NDUFAF6: variants seen among roughly 807,000 people sequenced by gnomAD.
NDUFAF6 encodes the protein NADH dehydrogenase (ubiquinone) complex I, assembly factor 6.
In NDUFAF6, 45 loss-of-function variants were observed where a neutral mutation model predicts 40.8. The ratio of observed to expected loss-of-function variants is 1.10; its 90% CI spans 0.87 to 1.42. The LOEUF is 1.42. NDUFAF6 is among the 40% of genes most tolerant of loss of function. The pLI, the probability that NDUFAF6 is intolerant of heterozygous loss-of-function variation, is 0.00. For missense variants in NDUFAF6, 435 were observed against 418.5 expected (o/e 1.04, Z -0.34); for synonymous variants, 185 against 155.9 (o/e 1.19, Z -1.39).
chr8:95,010,796 G>A (rs559539764), intron 2 of NDUFAF6, among the ~76,000 whole-genome samples: 1 of 152,284 alleles, frequency 6.6e-6, no homozygotes, highest in African/African-American at 2.4e-5. Context: ...GGTGCTGGTT[G>A]GGCTCTCTGG....
chr8:94,947,577 C>T (rs1445336413), intron 2 of NDUFAF6, among the ~76,000 whole-genome samples: 1 of 152,212 alleles, frequency 6.6e-6, no homozygotes, highest in South Asian at 2.1e-4. Flanking sequence ...TTTTGAACTG[C>T]AGAAAAAACC....
chr8:94,929,575 C>CT (rs1042051406), intron 1 of NDUFAF6: 1 of 152,198 alleles, frequency 6.6e-6, no homozygotes, highest in East Asian at 1.9e-4. Flanking sequence ...AAGCCTATCT[C>CT]TTTTCCCATG....
chr8:94,921,525 C>T (rs1309504012), intron 1 of NDUFAF6, among the ~76,000 whole-genome samples: 1 of 152,204 alleles, frequency 6.6e-6, no homozygotes, highest in Admixed American at 6.5e-5. Flanking sequence ...AATTGGGATA[C>T]TGTTATCAGA....
chr8:94,958,250 G>C (rs1482829337), intron 1 of NDUFAF6: 1 of 152,230 alleles, frequency 6.6e-6, no homozygotes, highest in Non-Finnish European at 1.5e-5. Flanking sequence ...ACTGCAGATT[G>C]GGCATCTTAC....
At position 94,930,813 on chromosome 8, in the gene NDUFAF6, C is replaced by A. The variant is rs1234418757; in HGVS notation, c.-935-14670C>A. 1.6e-5 allele frequency: 23 copies of A among 1,450,932 alleles called. 1 individual carries two copies. In the South Asian group the frequency reaches 2.7e-4, roughly 17 times the overall value. 89.9% of individuals were successfully genotyped at this position (1,450,932 alleles called of 1,614,324 possible). The stretch of plus-strand genomic sequence containing the variant: ...AAAAGTTACTTAGCAATTCAATTTG[C>A]CACGCTAATTTGTTTATGGCTGAAT... On this transcript the variant is annotated intron_variant, in intron 1 of 14. Coordinates refer to the NDUFAF6 transcript ENST00000396113.
intron 9 of NDUFAF6, chr8:95,067,204 A>G (rs373468678): frequency 5.3e-5 from 8 of 152,212 alleles, no homozygotes; most frequent in African/African-American, 1.9e-4. Context: ...TACTTGACCA[A>G]TCTGGACTTC....
chr8:94,990,284 A>T (rs1195245662), intron 2 of NDUFAF6, among the ~76,000 whole-genome samples: 1 of 152,204 alleles, frequency 6.6e-6, no homozygotes, highest in Non-Finnish European at 1.5e-5. Context: ...ATTGTAGGCC[A>T]CTGTGATGGG....
At chr8:94,937,576 A>G (rs1298352825) in intron 1 of NDUFAF6, among the ~76,000 whole-genome samples, 1 of 152,278 alleles carries the variant, frequency 6.6e-6, no homozygotes, top group Non-Finnish European at 1.5e-5. Context: ...GACTTATGCA[A>G]TTCTAGCCAA....
intron 1 of NDUFAF6, chr8:94,927,707 CTT>C (rs765186754): frequency 6.6e-6 from 1 of 152,184 alleles, no homozygotes; most frequent in Non-Finnish European, 1.5e-5. Context: ...CAAAAACAAA[CTT>C]TGAGAAACAT....
At position 94,933,840 on chromosome 8, in the gene NDUFAF6, G is replaced by A. The variant is rs575791548; in HGVS notation, c.-935-11643G>A. ...CTGTAATCCCAGCACTTTGTGGGGG[G>A]GGGGGGAGGATCACGAGGTCAGGAG... On this transcript the variant is annotated intron_variant, in intron 1 of 14. Transcript: ENST00000396113. Among the ~76,000 whole-genome samples, 348 of 148,600 alleles carry A rather than the reference G, an allele frequency of 2.3e-3. 25 individuals are homozygous for A. The highest frequency in any genetic ancestry group is 7.9e-3 in the African/African-American group (317 of 40,186).
chr8:95,073,486 G>A (rs1411495564), intron 9 of NDUFAF6, among the ~76,000 whole-genome samples: 2 of 152,128 alleles, frequency 1.3e-5, no homozygotes, highest in African/African-American at 4.8e-5. Flanking sequence ...ATCCGGGCTC[G>A]CAGACCACGC....
At chr8:94,979,198 C>A (rs140239380) in intron 1 of NDUFAF6, among the ~76,000 whole-genome samples, 3 of 152,224 alleles carry the variant, frequency 2.0e-5, no homozygotes, top group African/African-American at 4.8e-5. Flanking sequence ...ATGCAAATCC[C>A]CGCTTTTGTT....
intron 4 of NDUFAF6, among the ~76,000 whole-genome samples, chr8:95,109,311 C>T (rs34543526): frequency 0.56 from 85,018 of 152,028 alleles, 25,195 homozygotes; most frequent in East Asian, 1. Flanking sequence ...ACAAAATAAA[C>T]GATTAACAAA....
chr8:94,900,197 C>A (rs1220884000), intron 1 of NDUFAF6, among the ~76,000 whole-genome samples: 1 of 151,744 alleles, frequency 6.6e-6, no homozygotes, highest in African/African-American at 2.4e-5. Context: ...TCTTTCAGGG[C>A]TGGCCTGGGG....
chr8:95,105,507 G>A (rs1263510333), downstream of NDUFAF6, among the ~76,000 whole-genome samples: 1 of 151,832 alleles, frequency 6.6e-6, no homozygotes, highest in Non-Finnish European at 1.5e-5. Flanking sequence ...TTACAGGTGC[G>A]TGCCACCACA....
intron 1 of NDUFAF6, chr8:94,940,156 A>G (rs1199052823): frequency 3.7e-6 from 6 of 1,614,044 alleles, no homozygotes; most frequent in African/African-American, 2.7e-5. Flanking sequence ...GGTGCTCAGT[A>G]GGTGACTCTT....
At chr8:95,013,416 T>G (rs1424205237) in intron 2 of NDUFAF6, among the ~76,000 whole-genome samples, 4 of 152,184 alleles carry the variant, frequency 2.6e-5, no homozygotes, top group Non-Finnish European at 5.9e-5. Context: ...TGATAGAGAT[T>G]TTGCATTGAT....
chr8:95,045,746 G>A, intron 5 of NDUFAF6, 99 bp downstream of exon 5: 2 of 906,826 alleles, frequency 2.2e-6, no homozygotes, highest in Non-Finnish European at 3.6e-6. Flanking sequence ...TAGCACTAAA[G>A]CCTTCCTTTA....
At chr8:94,930,747 G>T in intron 1 of NDUFAF6, 1 of 1,612,142 alleles carries the variant, frequency 6.2e-7, no homozygotes, top group Non-Finnish European at 8.5e-7. Flanking sequence ...GAAAAAAGTG[G>T]GGATGTATTA....
Sources: gnomAD v4.1 joint callset for allele counts (sites outside exome capture counted in the v4.1 genomes callset) on GRCh38, gnomAD v4.1.1 for gene constraint, MANE v1.5 for transcripts, NCBI Gene and HGNC (gene_info 2026-07-23, HGNC 2026-07-21) for gene names.